Variants in DDX54 observed in about 807,000 individuals in gnomAD.
DDX54 encodes ATP-dependent RNA helicase DDX54.
A neutral mutation model predicts 105.5 loss-of-function variants in DDX54; 67 were observed. The observed-to-expected ratio is 0.64, with a 90% CI of 0.52 to 0.78. DDX54 has a LOEUF of 0.78. Ranked by LOEUF, DDX54 falls within the 30% of genes least tolerant of loss-of-function variation. The pLI is 0.00. For synonymous variants in DDX54, 514 were observed against 509.9 expected (o/e 1.01, Z -0.11); for missense variants, 1,206 against 1,230.5 (o/e 0.98, Z 0.30).
chr12:113,161,838 G>A, intron 18 of DDX54, 55 bp downstream of exon 18: 1 of 1,124,134 alleles, frequency 8.9e-7, no homozygotes, highest in Non-Finnish European at 1.3e-6. Flanking sequence ...AATTGAAGCT[G>A]CTCCTGCTGA....
In DDX54 at chr12:113,165,785, C is replaced by T; in HGVS notation, c.1645+17G>A. ...GCAAGGCCCACCTGCCACCCCCTGC[C>T]TTGTAGAAGGACTCACTGAAGAGGG... On this transcript the variant is annotated intron_variant, in intron 13 of 19. Transcript: ENST00000306014. 6.2e-7 allele frequency: 1 copy of T among 1,600,480 alleles called. No individual in the cohort carries two copies. Among genetic ancestry groups the T allele is most frequent in the Non-Finnish European group, 8.5e-7 (1 of 1,170,704 alleles).
Position 113,172,422 on chromosome 12 carries a change from T to G in DDX54, c.1210A>C (p.Ile404Leu). ...VTDLAARGLD[I>L]PLLDNVINYS... The stretch of plus-strand genomic sequence containing the variant: ...TTGATGACATTGTCCAGCAGCGGGA[T>G]GTCCAGGCCTCGGGCGGCCAGGTCA... Residue 404 changes from isoleucine (I) to leucine (L), a missense_variant, in exon 11 of 20, where the codon ATC (isoleucine) becomes CTC (leucine). Physicochemically the swap from Ile to Leu is conservative, Grantham distance 5. This residue lies in a region of DDX54 where 961 missense variants were observed against 1,019.1 expected (regional missense o/e 0.94). Transcript: ENST00000306014. The G allele has an allele frequency of 6.2e-7, 1 of 1,614,272 alleles. No individual in the cohort carries two copies.
In DDX54 at chr12:113,180,861, G is replaced by C. The variant is rs1174619142; in HGVS notation, c.304+68C>G. 40 of 1,602,626 alleles carry C rather than the reference G, an allele frequency of 2.5e-5. No homozygotes were observed. In the East Asian group the frequency reaches 9.0e-4, roughly 36 times the overall value. On this transcript the variant is annotated intron_variant, in intron 2 of 19. Transcript: ENST00000306014. ...GGGCCCAGAGTGGACATCAGTGATG[G>C]AGTGCAGAGGCGGGGTTGACCTCCA...
At chr12:113,168,648 C>T (rs1022831411) in intron 12 of DDX54, among the ~76,000 whole-genome samples, 5 of 152,146 alleles carry the variant, frequency 3.3e-5, no homozygotes, top group African/African-American at 9.7e-5. Flanking sequence ...GTCCTGTGGG[C>T]GGCTGGGCAC....
chr12:113,169,695 C>T, intron 12 of DDX54, 75 bp downstream of exon 12: 3 of 1,542,672 alleles, frequency 1.9e-6, no homozygotes, highest in East Asian at 4.6e-5. Flanking sequence ...CAAACCCAGC[C>T]CTACCTCCTC....
At position 113,179,175 on chromosome 12, in the gene DDX54, G is replaced by A; in HGVS notation, c.532C>T (p.Leu178=). Residue 178 remains leucine, a synonymous_variant, in exon 4 of 20, where the codon CTG becomes TTG. Coordinates refer to ENST00000306014, the MANE Select transcript of DDX54 (RefSeq NM_024072.4). ...RALILSPTRE[L]ALQTLKFTKE... ...GTGAACTTCAGGGTCTGCAGGGCCAGCTCTCGGGTCGGCGAGAGGATGAGG... is the reference window on the plus strand; with the variant it reads ...GTGAACTTCAGGGTCTGCAGGGCCAACTCTCGGGTCGGCGAGAGGATGAGG... 6.2e-7 allele frequency: 1 copy of A among 1,614,134 alleles called. No individual in the cohort carries two copies. The highest frequency in any genetic ancestry group is 2.2e-5 in the East Asian group (1 of 44,876).
chr12:113,182,361 AG>A (rs1304099015), intron 1 of DDX54, among the ~76,000 whole-genome samples: 1 of 152,186 alleles, frequency 6.6e-6, no homozygotes, highest in East Asian at 1.9e-4. Flanking sequence ...TACTTTTTAA[AG>A]GGTTGTAGAA....
At chr12:113,177,140 T>C in intron 5 of DDX54, 47 bp from the exon 6 acceptor site, 1 of 1,602,968 alleles carries the variant, frequency 6.2e-7, no homozygotes, top group Non-Finnish European at 8.5e-7. Flanking sequence ...GTCTCTTTGG[T>C]TTCCCTTCCC....
intron 11 of DDX54, among the ~76,000 whole-genome samples, chr12:113,170,720 C>T (rs1041311741): frequency 6.6e-6 from 1 of 152,138 alleles, no homozygotes; most frequent in Non-Finnish European, 1.5e-5. Context: ...AATGAATAGG[C>T]AGCAGTCACA....
intron 19 of DDX54, among the ~76,000 whole-genome samples, chr12:113,160,502 C>T (rs1592996070): frequency 6.6e-6 from 1 of 152,208 alleles, no homozygotes; most frequent in African/African-American, 2.4e-5. Context: ...AGCCTGCCTG[C>T]ACCCAGCAAG....
intron 10 of DDX54, among the ~76,000 whole-genome samples, chr12:113,173,908 C>A (rs1202968941): frequency 6.6e-6 from 1 of 152,136 alleles, no homozygotes; most frequent in Non-Finnish European, 1.5e-5. Flanking sequence ...TTAGGCCAGG[C>A]GCTGTGGCTT....
chr12:113,176,339 G>C (rs191093094), intron 7 of DDX54, among the ~76,000 whole-genome samples: 2 of 152,246 alleles, frequency 1.3e-5, no homozygotes, highest in South Asian at 4.1e-4. Context: ...AGGCCGAGGC[G>C]GGTGGATCAC....
At chr12:113,180,848 G>T in intron 2 of DDX54, 81 bp downstream of exon 2, 1 of 1,593,630 alleles carries the variant, frequency 6.3e-7, no homozygotes, top group Non-Finnish European at 8.5e-7. Context: ...GCCCAGAGTG[G>T]ACATCAGTGA....
Position 113,176,840 on chromosome 12 carries a change from C to G in DDX54, c.752G>C (p.Arg251Pro). The G allele has an allele frequency of 6.2e-7, 1 of 1,614,046 alleles. No homozygotes were observed. The highest frequency in any genetic ancestry group is 8.5e-7 in the Non-Finnish European group (1 of 1,179,950). ...CTCAGGGCTGGACCTGCAGCCTTACCGGTCAGCTTCATCGAACACCACGTA... is the reference window on the plus strand; with the variant it reads ...CTCAGGGCTGGACCTGCAGCCTTACGGGTCAGCTTCATCGAACACCACGTA... The part of the protein sequence containing the change: ...VEYVVFDEAD[R>P]LFEMGFAEQL... The change falls in exon 7 of 20, where the codon CGG (arginine) becomes CCG (proline). Residue 251 changes from arginine (R) to proline (P), a missense_variant and splice_region_variant. Physicochemically the swap from Arg to Pro is moderately radical, Grantham distance 103. Coordinates refer to ENST00000306014, the MANE Select transcript of DDX54 (RefSeq NM_024072.4).
chr12:113,179,852 C>G, intron 3 of DDX54, 83 bp downstream of exon 3: 1 of 1,492,016 alleles, frequency 6.7e-7, no homozygotes, highest in African/African-American at 1.4e-5. Flanking sequence ...ACAGGTGGGA[C>G]AAGGGGTGGC....
intron 1 of DDX54, chr12:113,183,946 A>T (rs1952494878): frequency 6.6e-6 from 1 of 152,160 alleles, no homozygotes; most frequent in Non-Finnish European, 1.5e-5. Context: ...CCACCAAGCC[A>T]GGCTAATTTT....
At chr12:113,181,544 C>T (rs1174499672) in intron 1 of DDX54, among the ~76,000 whole-genome samples, 11 of 151,584 alleles carry the variant, frequency 7.3e-5, no homozygotes, top group Non-Finnish European at 2.9e-5. Flanking sequence ...TTCCTGGCCT[C>T]AAGTATTCCT....
At chr12:113,179,855 G>C (rs1952445405) in intron 3 of DDX54, 80 bp downstream of exon 3, 1 of 1,501,588 alleles carries the variant, frequency 6.7e-7, no homozygotes, top group Non-Finnish European at 9.3e-7. Context: ...GGTGGGACAA[G>C]GGGTGGCTGT....
At chr12:113,162,165 T>C (rs1194207605) in intron 17 of DDX54, among the ~76,000 whole-genome samples, 168 bp from the exon 18 acceptor site, 1 of 152,034 alleles carries the variant, frequency 6.6e-6, no homozygotes, top group Non-Finnish European at 1.5e-5. Context: ...AAAGGCTTCT[T>C]CCCTATCCCT....
Sources: allele counts gnomAD v4.1 joint callset (sites outside exome capture counted in the v4.1 genomes callset), GRCh38; gene constraint gnomAD v4.1.1; regional missense constraint gnomAD v4.1.1; transcripts MANE v1.5; gene names NCBI Gene and HGNC (gene_info 2026-07-23, HGNC 2026-07-21).